Variants in ACTR3C observed in about 807,000 individuals in gnomAD.
The protein encoded by ACTR3C is actin related protein 3C.
Under a neutral mutation model 26.3 loss-of-function variants are expected in ACTR3C, and 18 were observed. That is an observed-to-expected ratio of 0.68 (90% CI 0.47 to 1.01). The LOEUF (loss-of-function observed/expected upper bound fraction) is 1.01, where lower values mean the gene tolerates loss of function less well. Among genes scored for constraint, ACTR3C ranks in the 50% least tolerant of loss-of-function variants. The probability of loss-of-function intolerance (pLI) is 0.00; values close to 1 mark genes in which losing one functional copy is unlikely to be tolerated. For missense variants in ACTR3C, 184 were observed against 250.7 expected (o/e 0.73, Z 1.80); for synonymous variants, 55 against 94.5 (o/e 0.58, Z 2.42).
At chr7:150,006,097 G>A in the ACTR3C span, among the ~76,000 whole-genome samples, 1 of 152,058 alleles carries the variant, frequency 6.6e-6, no homozygotes, top group Non-Finnish European at 1.5e-5. Context: ...CTGATCACAG[G>A]CTCTGTTTCT....
the ACTR3C span, among the ~76,000 whole-genome samples, chr7:150,054,445 T>C: frequency 6.6e-6 from 1 of 152,352 alleles, no homozygotes; most frequent in East Asian, 1.9e-4. Context: ...ATACCCTGGC[T>C]GGCTTCTGCA....
downstream of ACTR3C, chr7:150,244,078 G>T (rs1832335012): frequency 6.7e-6 from 1 of 149,960 alleles, no homozygotes; most frequent in Non-Finnish European, 1.5e-5. Context: ...TATAGTCTTA[G>T]AATATTGAAT....
intron 6 of ACTR3C, among the ~76,000 whole-genome samples, chr7:150,277,717 C>T (rs1193998446): frequency 6.6e-6 from 1 of 152,134 alleles, no homozygotes; most frequent in African/African-American, 2.4e-5. Flanking sequence ...GTCAAGCTCT[C>T]ACCTATGCTC....
the ACTR3C span, among the ~76,000 whole-genome samples, chr7:149,914,252 A>C: frequency 0.86 from 129,844 of 151,090 alleles, 59,098 homozygotes; most frequent in East Asian, 1. Context: ...CTATGAAAAA[A>C]AATAATGTAG....
At chr7:150,319,757 C>A (rs574760134) in intron 1 of ACTR3C, among the ~76,000 whole-genome samples, 1 of 152,194 alleles carries the variant, frequency 6.6e-6, no homozygotes, top group African/African-American at 2.4e-5. Flanking sequence ...TCCCCTGACC[C>A]GAGACAGAGT....
At chr7:150,089,504 A>G in the ACTR3C span, among the ~76,000 whole-genome samples, 1 of 152,234 alleles carries the variant, frequency 6.6e-6, no homozygotes, top group Admixed American at 6.5e-5. Flanking sequence ...GTAATTTGTC[A>G]GGACTTTCTT....
chr7:149,969,488 C>G, the ACTR3C span, among the ~76,000 whole-genome samples: 141,384 of 152,138 alleles, frequency 0.93, 66,163 homozygotes, highest in Non-Finnish European at 0.99. Flanking sequence ...CGTGCATGAG[C>G]GGAAGTCTTC....
the ACTR3C span, among the ~76,000 whole-genome samples, chr7:149,996,080 A>C: frequency 1.3e-5 from 2 of 152,034 alleles, no homozygotes; most frequent in Non-Finnish European, 2.9e-5. Flanking sequence ...GGGAGGGAGG[A>C]GGCTGGAAAG....
chr7:150,253,199 A>G (rs529117205), intron 6 of ACTR3C, among the ~76,000 whole-genome samples: 55 of 152,356 alleles, frequency 3.6e-4, no homozygotes, highest in Middle Eastern at 3.4e-3. Flanking sequence ...AGATAAAGTC[A>G]TGCATGGGTA....
At chr7:150,104,682 G>T in the ACTR3C span, among the ~76,000 whole-genome samples, 60,892 of 151,602 alleles carry the variant, frequency 0.4, 13,499 homozygotes, top group East Asian at 0.6. Flanking sequence ...CACAATCCTA[G>T]CCCCTGCAGA....
At chr7:150,144,961 A>G in the ACTR3C span, among the ~76,000 whole-genome samples, 1 of 151,512 alleles carries the variant, frequency 6.6e-6, no homozygotes, top group African/African-American at 2.4e-5. The surrounding 1 kb of genome is among the most constrained non-coding windows in gnomAD (Gnocchi z 4.6). Context: ...GAAGCAGGAG[A>G]ATTGCGTGAA....
At chr7:149,966,160 C>T in the ACTR3C span, among the ~76,000 whole-genome samples, 1 of 152,188 alleles carries the variant, frequency 6.6e-6, no homozygotes, top group East Asian at 1.9e-4. Flanking sequence ...TGTGGAGCTG[C>T]AGGCTGAAGT....
chr7:149,887,138 T>C, the ACTR3C span, among the ~76,000 whole-genome samples: 1 of 151,900 alleles, frequency 6.6e-6, no homozygotes, highest in African/African-American at 2.4e-5. Flanking sequence ...ATAGGGAAGG[T>C]CTATCTCAGG....
At chr7:150,014,671 G>T in the ACTR3C span, among the ~76,000 whole-genome samples, 3 of 152,118 alleles carry the variant, frequency 2.0e-5, no homozygotes, top group African/African-American at 7.2e-5. Flanking sequence ...TGGAGGAAGG[G>T]GTGAGGGTCC....
chr7:149,938,955 A>AT, the ACTR3C span, among the ~76,000 whole-genome samples: 216 of 6,088 alleles, frequency 0.035, no homozygotes, highest in Non-Finnish European at 0.15. Flanking sequence ...GTATATATAT[A>AT]AAAATATATT....
the ACTR3C span, among the ~76,000 whole-genome samples, chr7:150,039,381 CCTAAGAA>C: frequency 1.0e-5 from 1 of 96,950 alleles, no homozygotes; most frequent in South Asian, 3.4e-4. Context: ...CGATGGGGGT[CCTAAGAA>C]CCCGGGGGGG....
chr7:149,887,052 G>A, the ACTR3C span, among the ~76,000 whole-genome samples: 1 of 151,366 alleles, frequency 6.6e-6, no homozygotes, highest in Non-Finnish European at 1.5e-5. Flanking sequence ...AGTCCCAGCA[G>A]CAAAACACAT....
At chr7:149,927,822 C>T in the ACTR3C span, among the ~76,000 whole-genome samples, 1 of 152,174 alleles carries the variant, frequency 6.6e-6, no homozygotes, top group Non-Finnish European at 1.5e-5. Flanking sequence ...CAATCAAGGT[C>T]CTCGGCCACA....
the ACTR3C span, among the ~76,000 whole-genome samples, chr7:149,969,152 A>G: frequency 6.6e-6 from 1 of 152,216 alleles, no homozygotes; most frequent in Admixed American, 6.5e-5. Flanking sequence ...AACAGCTGAG[A>G]ACAGCTTCAG....
Sources: allele counts gnomAD v4.1 joint callset (sites outside exome capture counted in the v4.1 genomes callset), GRCh38; gene constraint gnomAD v4.1.1; non-coding constraint Gnocchi (gnomAD v3.1); transcripts MANE v1.5; gene names NCBI Gene and HGNC (gene_info 2026-07-23, HGNC 2026-07-21).